Variants in ABCA9 observed in about 807,000 individuals in gnomAD.
ABCA9 encodes the protein ATP-binding cassette sub-family A member 9.
A neutral mutation model predicts 205.3 loss-of-function variants in ABCA9; 183 were observed. The observed-to-expected ratio is 0.89, with a 90% CI of 0.79 to 1.01. ABCA9 has a LOEUF of 1.01. Ranked by LOEUF, ABCA9 falls within the 50% of genes least tolerant of loss-of-function variation. The pLI, the probability that ABCA9 is intolerant of heterozygous loss-of-function variation, is 0.00. For synonymous variants in ABCA9, 651 were observed against 683.3 expected (o/e 0.95, Z 0.74); for missense variants, 1,805 against 1,912.4 (o/e 0.94, Z 1.05).
chr17:68,989,886 GC>G lies in ABCA9; in HGVS notation c.3881del (p.Gly1294AlafsTer29). On this transcript the variant is annotated frameshift_variant, in exon 30 of 39. Transcript: ENST00000340001. LOFTEE classifies it high-confidence loss of function. Reference sequence around the variant, plus strand: ...TTTTAGAAAAGCAATTTTTCTTTTTGCCTGCATATTCCTTCCGTAGACAGCT... The same window carrying G: ...TTTTAGAAAAGCAATTTTTCTTTTTGCTGCATATTCCTTCCGTAGACAGCT... ...IASCLRKEYA[G>X]KKKNCFSKRK... The G allele has an allele frequency of 6.2e-7, 1 of 1,612,250 alleles. No individual in the cohort carries two copies. Among genetic ancestry groups the G allele is most frequent in the South Asian group, 1.1e-5 (1 of 90,826 alleles).
At position 68,976,122 on chromosome 17, in the gene ABCA9, A is replaced by C; in HGVS notation, c.4776+13T>G. On this transcript the variant is annotated intron_variant, in intron 38 of 38. Coordinates refer to ENST00000340001, the MANE Select transcript of ABCA9 (RefSeq NM_080283.4). ...ATTCCATGGATGATATAGAATCACT[A>C]AAAATGACCCACCTGCTCCAGGGTA... is the stretch of plus-strand genomic sequence containing the variant. The C allele has an allele frequency of 2.5e-6, 4 of 1,613,288 alleles. No individual in the cohort carries two copies. Among genetic ancestry groups the C allele is most frequent in the Non-Finnish European group, 3.4e-6 (4 of 1,179,212 alleles).
intron 23 of ABCA9, among the ~76,000 whole-genome samples, chr17:69,009,279 G>A (rs571261109): frequency 1.3e-5 from 2 of 152,216 alleles, no homozygotes; most frequent in South Asian, 2.1e-4. Flanking sequence ...ATTGTAACTC[G>A]GGGGTCAGGT....
intron 33 of ABCA9, 36 bp from the exon 34 acceptor site, chr17:68,985,015 T>A: frequency 6.2e-7 from 1 of 1,614,210 alleles, no homozygotes; most frequent in African/African-American, 1.3e-5. Flanking sequence ...GGTTCCCATC[T>A]ACGGCACTTG....
the ABCA9 span, among the ~76,000 whole-genome samples, chr17:69,070,567 C>G: frequency 6.6e-6 from 1 of 152,326 alleles, no homozygotes; most frequent in South Asian, 2.1e-4. Context: ...GGCCCAGATA[C>G]TATGCATTTC....
At chr17:69,009,575 C>T (rs146699778) in intron 23 of ABCA9, among the ~76,000 whole-genome samples, 41 of 152,174 alleles carry the variant, frequency 2.7e-4, no homozygotes, top group African/African-American at 9.2e-4. Context: ...CTTGGTATGA[C>T]GAGAAACCAT....
At chr17:68,992,452 G>C (rs1234201037) in intron 27 of ABCA9, 186 bp from the exon 28 acceptor site, 2 of 423,908 alleles carry the variant, frequency 4.7e-6, no homozygotes, top group Non-Finnish European at 8.5e-6. Context: ...TATTCAGAGA[G>C]AGCCTAACAG....
rs1485853275 is a variant in ABCA9, at chr17:69,032,243, A to G, written c.1310T>C (p.Phe437Ser). Residue 437 changes from phenylalanine to serine, a missense_variant, in exon 10 of 39, where the codon TTC (phenylalanine) becomes TCC (serine). Phe to Ser is a radical substitution (Grantham distance 155, BLOSUM62 -2). Transcript: ENST00000340001. ...TTGAAACCAAAAACAGGATTTCAGG[A>G]AAAACAAGGGAGAACATCGATGTCC... ...EYGHRCSPLF[F>S]LKSCFWFQHG... 1.2e-6 allele frequency: 2 copies of G among 1,614,000 alleles called. No homozygotes were observed. Among genetic ancestry groups the G allele is most frequent in the Non-Finnish European group, 1.7e-6 (2 of 1,179,966 alleles).
intron 23 of ABCA9, among the ~76,000 whole-genome samples, chr17:69,010,462 A>G (rs1269795965): frequency 1.3e-5 from 2 of 152,066 alleles, no homozygotes; most frequent in African/African-American, 2.4e-5. Context: ...CTAGAGGAGG[A>G]GAGTACAAGG....
At chr17:68,995,708 CAA>C (rs1478666118) in intron 26 of ABCA9, among the ~76,000 whole-genome samples, 185 bp downstream of exon 26, 5 of 152,026 alleles carry the variant, frequency 3.3e-5, no homozygotes, top group Non-Finnish European at 7.4e-5. Flanking sequence ...TGTCATAAAC[CAA>C]AGCTGGCTTC....
intron 6 of ABCA9, chr17:69,042,172 T>G: frequency 8.9e-6 from 1 of 112,460 alleles, no homozygotes; most frequent in South Asian, 3.3e-4. Context: ...GTTTCCTAAC[T>G]TGCCTCTACT....
intron 22 of ABCA9, among the ~76,000 whole-genome samples, chr17:69,013,602 A>ATGAC (rs1374904959): frequency 6.6e-6 from 1 of 152,114 alleles, no homozygotes; most frequent in African/African-American, 2.4e-5. Flanking sequence ...GGGTTCATAA[A>ATGAC]TGACATATTA....
chr17:69,030,233 T>C (rs942294828), intron 10 of ABCA9, among the ~76,000 whole-genome samples: 5 of 152,196 alleles, frequency 3.3e-5, no homozygotes, highest in Admixed American at 6.5e-5. Flanking sequence ...TTATTTCTTA[T>C]AGTTCTGAAG....
In ABCA9 at chr17:69,000,031, T is replaced by C. The variant is rs558411128; in HGVS notation, c.3436-4017A>G. On this transcript the variant is annotated intron_variant, in intron 25 of 38. Coordinates refer to ENST00000340001, the MANE Select transcript of ABCA9 (RefSeq NM_080283.4). ...ATTGTAGATTCTGGATATTAGCCCT[T>C]TGTCAGATGAGTAGGTTGCGAAAAT... 3.3e-4 allele frequency among the ~76,000 whole-genome samples: 51 copies of C among 152,240 alleles called. 1 individual carries two copies. The East Asian group carries it at 9.7e-3, about 29-fold the overall frequency.
chr17:68,981,992 T>C (rs1443882448), intron 37 of ABCA9, among the ~76,000 whole-genome samples: 3 of 152,134 alleles, frequency 2.0e-5, no homozygotes, highest in Non-Finnish European at 1.5e-5. Context: ...ACCAAGCCCC[T>C]GATACATTGA....
chr17:69,052,287 T>C (rs569683163), intron 1 of ABCA9, among the ~76,000 whole-genome samples: 3 of 152,196 alleles, frequency 2.0e-5, no homozygotes, highest in African/African-American at 4.8e-5. Flanking sequence ...AGGCAGAAGA[T>C]TGCTTGAGCC....
At chr17:69,058,420 T>C (rs2072134250) in intron 1 of ABCA9, among the ~76,000 whole-genome samples, 1 of 152,160 alleles carries the variant, frequency 6.6e-6, no homozygotes. Flanking sequence ...AGACGATTTA[T>C]TCAAGTCAGC....
At position 68,989,811 on chromosome 17, in the gene ABCA9, A is replaced by G; in HGVS notation, c.3955+2T>C. On this transcript the variant is annotated splice_donor_variant, in intron 30 of 38. Coordinates refer to ENST00000340001, the MANE Select transcript of ABCA9 (RefSeq NM_080283.4). LOFTEE classifies it high-confidence loss of function. ...TCTACTAATGGAACTACTGTTTCCA[A>G]CCTTTTTTAACACAAAAAGAGACAT... The G allele has an allele frequency of 6.5e-7, 1 of 1,541,642 alleles. No individual in the cohort carries two copies. Among genetic ancestry groups the G allele is most frequent in the Non-Finnish European group, 9.0e-7 (1 of 1,115,966 alleles).
intron 25 of ABCA9, among the ~76,000 whole-genome samples, chr17:68,998,273 A>G (rs558514796): frequency 6.6e-6 from 1 of 152,296 alleles, no homozygotes; most frequent in Non-Finnish European, 1.5e-5. Flanking sequence ...ACCAACTAAT[A>G]TTTTTCAGTA....
At chr17:68,991,382 G>A (rs1198739549) in intron 28 of ABCA9, among the ~76,000 whole-genome samples, 2 of 152,142 alleles carry the variant, frequency 1.3e-5, no homozygotes, top group African/African-American at 4.8e-5. Context: ...GAGAATCCAG[G>A]ATATCTAATC....
Sources: gnomAD v4.1 joint callset for allele counts (sites outside exome capture counted in the v4.1 genomes callset) on GRCh38, gnomAD v4.1.1 for gene constraint, MANE v1.5 for transcripts, NCBI Gene and HGNC (gene_info 2026-07-23, HGNC 2026-07-21) for gene names.